Variants in EEPD1 observed in about 807,000 individuals in gnomAD.
The protein encoded by EEPD1 is endonuclease/exonuclease/phosphatase family domain-containing protein 1.
A neutral mutation model predicts 46.3 loss-of-function variants in EEPD1; 17 were observed. That is an observed-to-expected ratio of 0.37 (90% CI 0.25 to 0.55). The LOEUF (loss-of-function observed/expected upper bound fraction) is 0.55. EEPD1 is among the 20% of genes least tolerant of loss of function. The pLI is 0.83. For missense variants in EEPD1, 673 were observed against 745.6 expected, an observed-to-expected ratio of 0.90 and a Z score of 1.13; for synonymous variants, 313 against 315.6, an observed-to-expected ratio of 0.99 and a Z score of 0.09.
chr7:36,236,037 A>G (rs1455255618), intron 2 of EEPD1, among the ~76,000 whole-genome samples: 2 of 150,508 alleles, frequency 1.3e-5, no homozygotes, highest in Non-Finnish European at 2.9e-5. Flanking sequence ...AAATTCTCCT[A>G]CCTCATCCTC....
intron 2 of EEPD1, among the ~76,000 whole-genome samples, chr7:36,207,933 T>G (rs1230485745): frequency 6.7e-6 from 1 of 148,408 alleles, no homozygotes; most frequent in Non-Finnish European, 1.5e-5. Context: ...GGAGCCAGTC[T>G]CTTGCCTTTG....
At chr7:36,188,201 C>T (rs1785396839) in intron 2 of EEPD1, among the ~76,000 whole-genome samples, 1 of 151,690 alleles carries the variant, frequency 6.6e-6, no homozygotes, top group Admixed American at 6.6e-5. Context: ...CTTTCTCTAT[C>T]TTACTCTCTC....
intron 6 of EEPD1, among the ~76,000 whole-genome samples, chr7:36,290,853 G>A (rs768484409): frequency 1.3e-5 from 2 of 152,180 alleles, no homozygotes; most frequent in Non-Finnish European, 2.9e-5. Flanking sequence ...GGGAATCAAG[G>A]GAGCGACAAA....
chr7:36,204,214 T>A (rs1785771056), intron 2 of EEPD1, among the ~76,000 whole-genome samples: 1 of 150,494 alleles, frequency 6.6e-6, no homozygotes, highest in South Asian at 2.1e-4. Context: ...AAAAAAAAAT[T>A]TTGTGGAGAG....
intron 2 of EEPD1, among the ~76,000 whole-genome samples, chr7:36,157,689 CA>C (rs1784846656): frequency 6.6e-6 from 1 of 152,182 alleles, no homozygotes; most frequent in East Asian, 1.9e-4. Context: ...ACAATGGATT[CA>C]GTATTCCAGA....
chr7:36,255,437 C>A (rs1310695842), intron 3 of EEPD1, among the ~76,000 whole-genome samples: 1 of 152,126 alleles, frequency 6.6e-6, no homozygotes, highest in African/African-American at 2.4e-5. Flanking sequence ...TGTCAAAGAT[C>A]AAATGGTTGT....
At chr7:36,269,266 G>C (rs944439057) in intron 3 of EEPD1, among the ~76,000 whole-genome samples, 1 of 152,138 alleles carries the variant, frequency 6.6e-6, no homozygotes, top group Non-Finnish European at 1.5e-5. Context: ...AATAAAGCTA[G>C]AGGGAAAAAA....
intron 2 of EEPD1, among the ~76,000 whole-genome samples, chr7:36,192,514 T>TA (rs35068144): frequency 0.95 from 142,463 of 149,394 alleles, 68,176 homozygotes; most frequent in East Asian, 1. Flanking sequence ...TCTCTTTCTT[T>TA]AAAAAAAAAA....
chr7:36,242,043 T>C (rs1786561695), intron 3 of EEPD1, among the ~76,000 whole-genome samples: 1 of 152,214 alleles, frequency 6.6e-6, no homozygotes, highest in Admixed American at 6.5e-5. Flanking sequence ...CCTGAGGATG[T>C]GATTTTGATG....
chr7:36,232,614 G>T (rs1273687225), intron 2 of EEPD1, among the ~76,000 whole-genome samples: 1 of 149,738 alleles, frequency 6.7e-6, no homozygotes, highest in East Asian at 1.9e-4. Flanking sequence ...AAATAAATGG[G>T]TTTTTATCTC....
chr7:36,199,335 A>G (rs1217969312), intron 2 of EEPD1, among the ~76,000 whole-genome samples: 1 of 151,986 alleles, frequency 6.6e-6, no homozygotes, highest in East Asian at 1.9e-4. Context: ...GAGATTTTAA[A>G]TTTTCATTAT....
chr7:36,214,706 T>C (rs1345370040), intron 2 of EEPD1, among the ~76,000 whole-genome samples: 1 of 152,202 alleles, frequency 6.6e-6, no homozygotes, highest in Non-Finnish European at 1.5e-5. Flanking sequence ...AACCTTTATC[T>C]TACTCCAGAA....
chr7:36,198,014 C>T (rs1785639460), intron 2 of EEPD1, among the ~76,000 whole-genome samples: 1 of 151,912 alleles, frequency 6.6e-6, no homozygotes, highest in Non-Finnish European at 1.5e-5. Context: ...CAGTTTGTTC[C>T]AATACTACCT....
chr7:36,268,276 C>G (rs1479688243), intron 3 of EEPD1, among the ~76,000 whole-genome samples: 1 of 152,100 alleles, frequency 6.6e-6, no homozygotes, highest in Non-Finnish European at 1.5e-5. Flanking sequence ...CTCAGCCTCC[C>G]GAGTAGCTGG....
intron 2 of EEPD1, among the ~76,000 whole-genome samples, chr7:36,217,053 T>G (rs1786041084): frequency 6.6e-6 from 1 of 152,250 alleles, no homozygotes; most frequent in Non-Finnish European, 1.5e-5. Context: ...CAAGAGTGAG[T>G]TCTTGGATCT....
intron 2 of EEPD1, among the ~76,000 whole-genome samples, chr7:36,184,904 G>T (rs2115664404): frequency 6.6e-6 from 1 of 152,072 alleles, no homozygotes; most frequent in South Asian, 2.1e-4. Context: ...CTAATTTTTG[G>T]ATTTTTAGTA....
At chr7:36,215,298 C>T (rs1336931700) in intron 2 of EEPD1, among the ~76,000 whole-genome samples, 13 of 152,254 alleles carry the variant, frequency 8.5e-5, no homozygotes, top group African/African-American at 2.9e-4. Context: ...CCTAAATGCA[C>T]CCTCCTGTTC....
intron 6 of EEPD1, among the ~76,000 whole-genome samples, chr7:36,290,970 G>A (rs765977405): frequency 2.0e-5 from 3 of 152,236 alleles, no homozygotes; most frequent in South Asian, 4.1e-4. Context: ...TCACCGACGC[G>A]GATTCAATCG....
At chr7:36,236,470 G>A (rs1418297427) in intron 2 of EEPD1, among the ~76,000 whole-genome samples, 1 of 152,204 alleles carries the variant, frequency 6.6e-6, no homozygotes, top group African/African-American at 2.4e-5. Context: ...GCCGGTCTCC[G>A]TCTCTTTCTC....
Sources: gnomAD v4.1 joint callset for allele counts (sites outside exome capture counted in the v4.1 genomes callset) on GRCh38, gnomAD v4.1.1 for gene constraint, MANE v1.5 for transcripts, NCBI Gene and HGNC (gene_info 2026-07-23, HGNC 2026-07-21) for gene names.